Variants in CDH10 observed in about 807,000 individuals in gnomAD.
CDH10 encodes the protein cadherin 10.
In CDH10, 30 loss-of-function variants were observed where a neutral mutation model predicts 73.1. The ratio of observed to expected loss-of-function variants is 0.41; its 90% CI spans 0.31 to 0.56. CDH10 has a LOEUF of 0.56. CDH10 is among the 20% of genes least tolerant of loss of function. The pLI is 0.27. For missense variants in CDH10, 815 were observed against 973.7 expected (o/e 0.84, Z 2.17); for synonymous variants, 345 against 348.2 (o/e 0.99, Z 0.10).
chr5:24,636,696 A>C (rs1165876117), intron 1 of CDH10, among the ~76,000 whole-genome samples: 4 of 151,960 alleles, frequency 2.6e-5, no homozygotes, highest in African/African-American at 9.7e-5. Context: ...AGAAAACAAA[A>C]AAATTAGCAA....
chr5:24,531,194 T>C (rs1336268007), intron 5 of CDH10, among the ~76,000 whole-genome samples: 2 of 152,044 alleles, frequency 1.3e-5, no homozygotes, highest in East Asian at 3.9e-4. Flanking sequence ...ACAGCTTCTA[T>C]TAGCCTTCCC....
rs140906205 is a variant in CDH10, at chr5:24,629,668, C to G, written c.-124+14926G>C. On this transcript the variant is annotated intron_variant, in intron 1 of 11. Transcript: ENST00000264463. ...TGTTCTCATGATAGTGCATGAGTCT[C>G]AAGAGATCTGATGGTTTTATAAGGG... 5.2e-3 allele frequency among the ~76,000 whole-genome samples: 790 copies of G among 152,180 alleles called. 5 individuals are homozygous for G. The highest frequency in any genetic ancestry group is 0.018 in the African/African-American group (756 of 41,540).
chr5:24,609,665 C>G (rs1746878941), intron 1 of CDH10: 1 of 150,888 alleles, frequency 6.6e-6, no homozygotes, highest in Non-Finnish European at 1.5e-5. Flanking sequence ...TACTGTACAA[C>G]AGAGACCCAG....
chr5:24,513,061 C>CAGGCTGG (rs3033762), intron 5 of CDH10, among the ~76,000 whole-genome samples: 71,742 of 150,448 alleles, frequency 0.48, 17,214 homozygotes, highest in East Asian at 0.58. Context: ...CTCAGTCACT[C>CAGGCTGG]AGTGCTGGAG....
At position 24,504,530 on chromosome 5, in the gene CDH10, T is replaced by G. The variant is rs1184783428; in HGVS notation, c.1393+582A>C. ...TCTTTTTTTTTTTTTTTTTTTTTTTTTTTTTTTTTTTTTAAGATGGAATCT... is the reference window on the plus strand; with the variant it reads ...TCTTTTTTTTTTTTTTTTTTTTTTTGTTTTTTTTTTTTTAAGATGGAATCT... On this transcript the variant is annotated intron_variant, in intron 8 of 11. Transcript: ENST00000264463. Among the ~76,000 whole-genome samples, 30 of 127,754 alleles carry G rather than the reference T, an allele frequency of 2.3e-4. 3 individuals are homozygous for G. Among genetic ancestry groups the G allele is most frequent in the Admixed American group, 1.5e-3 (19 of 12,612 alleles). The allele number at this position is 127,754 out of a possible 152,430, so 83.8% of individuals were successfully genotyped here. A position where few individuals can be genotyped will look rare whatever the true frequency, so the allele number is the denominator to read the frequency against.
intron 2 of CDH10, among the ~76,000 whole-genome samples, chr5:24,575,400 C>T (rs1176859133): frequency 6.7e-6 from 1 of 149,920 alleles, no homozygotes; most frequent in Non-Finnish European, 1.5e-5. Context: ...TCTCCTGCAT[C>T]CTCAGTCTGT....
intron 1 of CDH10, among the ~76,000 whole-genome samples, chr5:24,623,817 G>A (rs1011524540): frequency 2.0e-5 from 3 of 152,092 alleles, no homozygotes; most frequent in Non-Finnish European, 2.9e-5. Flanking sequence ...GATTTGCCTC[G>A]CAGCATGTGT....
At chr5:24,495,956 A>T (rs969136896) in intron 9 of CDH10, among the ~76,000 whole-genome samples, 1 of 152,072 alleles carries the variant, frequency 6.6e-6, no homozygotes, top group African/African-American at 2.4e-5. Flanking sequence ...TTCTATTTTC[A>T]CTGGGCTATT....
chr5:24,487,925 G>A lies in CDH10; in HGVS notation c.2105C>T (p.Pro702Leu), dbSNP rs1351685843. 4 of 1,613,832 alleles carry A rather than the reference G, an allele frequency of 2.5e-6. No homozygotes were observed. Among genetic ancestry groups the A allele is most frequent in the Admixed American group, 1.7e-5 (1 of 59,984 alleles). ...GACGTCCGTGTTATCTGGAGCTGTA[G>A]GAGTCCTCCGAGGAATAAATAACGT... ...PETLFIPRRT[P>L]TAPDNTDVRD... Residue 702 changes from proline to leucine, a missense_variant, in exon 12 of 12, where the codon CCT (proline) becomes CTT (leucine). Transcript: ENST00000264463.
chr5:24,511,547 G>GAC, intron 5 of CDH10, 33 bp from the exon 6 acceptor site: 2 of 83,996 alleles, frequency 2.4e-5, no homozygotes, highest in Non-Finnish European at 3.7e-5. Flanking sequence ...GAGAGAGACA[G>GAC]AGAGAGAGAG....
chr5:24,573,888 A>AT (rs1209644293), intron 2 of CDH10, among the ~76,000 whole-genome samples: 1 of 148,216 alleles, frequency 6.7e-6, no homozygotes, highest in Non-Finnish European at 1.5e-5. Context: ...TTATATAAAA[A>AT]ATATATATAT....
chr5:24,541,568 C>CA (rs929045504), intron 2 of CDH10, among the ~76,000 whole-genome samples: 4 of 151,874 alleles, frequency 2.6e-5, no homozygotes, highest in African/African-American at 7.3e-5. Flanking sequence ...GGTCACACGC[C>CA]AAAAAACTTA....
chr5:24,530,674 T>C (rs1743708038), intron 5 of CDH10, among the ~76,000 whole-genome samples: 2 of 152,014 alleles, frequency 1.3e-5, no homozygotes, highest in African/African-American at 4.8e-5. Context: ...TTGGTACATA[T>C]GAAGTAAGTG....
chr5:24,539,659 C>CT (rs1260654234), intron 2 of CDH10, among the ~76,000 whole-genome samples: 1 of 151,984 alleles, frequency 6.6e-6, no homozygotes, highest in East Asian at 1.9e-4. Context: ...TAGTTTCTTA[C>CT]TACATTTTTA....
chr5:24,536,863 G>A (rs1743972579), intron 3 of CDH10, among the ~76,000 whole-genome samples: 1 of 151,686 alleles, frequency 6.6e-6, no homozygotes, highest in Admixed American at 6.6e-5. Context: ...TACCAGCAGA[G>A]TTTTATACAT....
chr5:24,511,531 A>C lies in CDH10; in HGVS notation c.815-17T>G, dbSNP rs371841289. The C allele has an allele frequency of 9.7e-5, 111 of 1,140,568 alleles. No individual in the cohort carries two copies. Among genetic ancestry groups the C allele is most frequent in the Non-Finnish European group, 1.3e-4 (104 of 773,168 alleles). 70.7% of individuals were successfully genotyped at this position (1,140,568 alleles called of 1,614,324 possible). ...GAATAGTGTCTGTAAAGTATAAAGA[A>C]AAGAAGAGAGAGACAGAGAGAGAGA... is the stretch of plus-strand genomic sequence containing the variant. On this transcript the variant is annotated splice_polypyrimidine_tract_variant and intron_variant, in intron 5 of 11. Transcript: ENST00000264463.
chr5:24,526,569 C>T lies in CDH10; in HGVS notation c.814+8543G>A, dbSNP rs144036382. Reference sequence around the variant, plus strand: ...GTCCCTCTCTTCAACTAAACACTTCCGGTAGAAAGCTTGAAAGTATCTTTT... The same window carrying T: ...GTCCCTCTCTTCAACTAAACACTTCTGGTAGAAAGCTTGAAAGTATCTTTT... On this transcript the variant is annotated intron_variant, in intron 5 of 11. Transcript: ENST00000264463. Among the ~76,000 whole-genome samples the T allele has an allele frequency of 7.2e-5, 11 of 151,828 alleles. 1 individual carries two copies. In the East Asian group the frequency reaches 1.9e-3, roughly 27 times the overall value.
At chr5:24,536,885 T>C (rs1033070902) in intron 3 of CDH10, among the ~76,000 whole-genome samples, 11 of 151,986 alleles carry the variant, frequency 7.2e-5, no homozygotes, top group African/African-American at 2.7e-4. Context: ...ATAATTATAA[T>C]GATAGGATTT....
chr5:24,616,596 A>T (rs572956028), intron 1 of CDH10, among the ~76,000 whole-genome samples: 75 of 152,236 alleles, frequency 4.9e-4, no homozygotes, highest in Non-Finnish European at 8.1e-4. Context: ...TTCTATATTT[A>T]AAAAAAGAAT....
Sources: gnomAD v4.1 joint callset for allele counts (sites outside exome capture counted in the v4.1 genomes callset) on GRCh38, gnomAD v4.1.1 for gene constraint, MANE v1.5 for transcripts, NCBI Gene and HGNC (gene_info 2026-07-23, HGNC 2026-07-21) for gene names.